Variants in SLX4IP observed in about 807,000 individuals in gnomAD.
SLX4IP encodes SLX4 interacting protein.
SLX4IP carries 34 observed loss-of-function variants against 32.9 expected under a neutral mutation model. That is an observed-to-expected ratio of 1.03 (90% CI 0.79 to 1.38). The LOEUF is 1.38. SLX4IP is among the 40% of genes most tolerant of loss of function. The pLI is 0.00. For missense variants in SLX4IP, 444 were observed against 479.0 expected, an observed-to-expected ratio of 0.93 and a Z score of 0.68; for synonymous variants, 172 against 171.7, an observed-to-expected ratio of 1.00 and a Z score of -0.01.
intron 2 of SLX4IP, among the ~76,000 whole-genome samples, chr20:10,469,011 A>G (rs1600901890): frequency 6.6e-6 from 1 of 152,100 alleles, no homozygotes; most frequent in African/African-American, 2.4e-5. Context: ...CATAAAATAC[A>G]CTTATACTAA....
At chr20:10,576,510 C>T (rs2066524869) in intron 4 of SLX4IP, among the ~76,000 whole-genome samples, 1 of 152,132 alleles carries the variant, frequency 6.6e-6, no homozygotes, top group Non-Finnish European at 1.5e-5. Flanking sequence ...ACCACATAAC[C>T]TAATGGGAAA....
intron 2 of SLX4IP, among the ~76,000 whole-genome samples, chr20:10,520,032 T>C (rs1267116183): frequency 6.6e-6 from 1 of 152,130 alleles, no homozygotes; most frequent in African/African-American, 2.4e-5. Flanking sequence ...ATTGAAATCT[T>C]GTGCCCATTT....
At chr20:10,608,303 G>A (rs1600151872) in intron 6 of SLX4IP, among the ~76,000 whole-genome samples, 1 of 152,128 alleles carries the variant, frequency 6.6e-6, no homozygotes, top group South Asian at 2.1e-4. Flanking sequence ...TTAAGCAAAG[G>A]TAAACATGAT....
intron 2 of SLX4IP, among the ~76,000 whole-genome samples, chr20:10,525,513 G>A (rs1267854440): frequency 2.0e-5 from 3 of 152,054 alleles, no homozygotes; most frequent in East Asian, 1.9e-4. Context: ...CCGCTTAGCC[G>A]AACTATATAC....
At chr20:10,476,936 T>G (rs1713180035) in intron 2 of SLX4IP, among the ~76,000 whole-genome samples, 1 of 152,240 alleles carries the variant, frequency 6.6e-6, no homozygotes, top group Admixed American at 6.5e-5. Context: ...TACATAACAT[T>G]AATGCTTTTG....
At chr20:10,527,446 T>C (rs750378428) in intron 2 of SLX4IP, among the ~76,000 whole-genome samples, 7 of 152,216 alleles carry the variant, frequency 4.6e-5, no homozygotes, top group Non-Finnish European at 8.8e-5. Flanking sequence ...GGCTTTATGA[T>C]ACAAAGATTA....
At chr20:10,460,105 GC>G (rs1724295417) in intron 2 of SLX4IP, among the ~76,000 whole-genome samples, 1 of 152,016 alleles carries the variant, frequency 6.6e-6, no homozygotes, top group African/African-American at 2.4e-5. Flanking sequence ...TTCTGTGAAG[GC>G]ATGTAAGTGA....
At chr20:10,506,659 A>C (rs1403263836) in intron 2 of SLX4IP, among the ~76,000 whole-genome samples, 1 of 152,212 alleles carries the variant, frequency 6.6e-6, no homozygotes, top group Non-Finnish European at 1.5e-5. Flanking sequence ...GAACAAAACA[A>C]ATGCACATTT....
At chr20:10,610,300 A>G (rs961740072) in intron 6 of SLX4IP, among the ~76,000 whole-genome samples, 1 of 152,262 alleles carries the variant, frequency 6.6e-6, no homozygotes, top group African/African-American at 2.4e-5. Flanking sequence ...ACTGGCATCA[A>G]TTCAGAAGAA....
chr20:10,514,072 A>G (rs1178824114), intron 2 of SLX4IP, among the ~76,000 whole-genome samples: 2 of 152,128 alleles, frequency 1.3e-5, no homozygotes, highest in African/African-American at 4.8e-5. Flanking sequence ...CAAAGCAGTG[A>G]CCCTAACCAC....
chr20:10,497,090 T>A lies in SLX4IP; in HGVS notation c.27+38859T>A, dbSNP rs536862704. Among the ~76,000 whole-genome samples the A allele has an allele frequency of 2.6e-3, 390 of 152,328 alleles. 1 individual carries two copies. The highest frequency in any genetic ancestry group is 0.01 in the Middle Eastern group (3 of 294). On this transcript the variant is annotated intron_variant, in intron 2 of 7. Coordinates refer to ENST00000334534, the MANE Select transcript of SLX4IP (RefSeq NM_001009608.3). ...TTTAATCAGTATCTGGCGTCACTAT[T>A]GTTTCAGGTATCCCATGCATTTTCT...
rs1665951553 is a variant in SLX4IP, at chr20:10,626,074, G to A, written c.*2695G>A. On this transcript the variant is annotated 3_prime_UTR_variant, in exon 8 of 8. Transcript: ENST00000334534. ...CTGTCGCCCAGGCTGGAGTGCAGTG[G>A]GGCGATCTTGGCTCACTGCAAGCTC... is the stretch of plus-strand genomic sequence containing the variant. 6.8e-6 allele frequency: 1 copy of A among 147,814 alleles called. No homozygotes were observed. Among genetic ancestry groups the A allele is most frequent in the East Asian group, 2.0e-4 (1 of 5,090 alleles). The allele number at this position is 147,814 out of a possible 1,614,324, so 9.2% of individuals were successfully genotyped here.
intron 3 of SLX4IP, among the ~76,000 whole-genome samples, 160 bp downstream of exon 3, chr20:10,556,480 C>CT (rs1175544907): frequency 1.3e-5 from 2 of 151,758 alleles, no homozygotes; most frequent in Admixed American, 6.6e-5. Context: ...TATGCACCCA[C>CT]TTTTTTTTTC....
intron 1 of SLX4IP, among the ~76,000 whole-genome samples, chr20:10,449,148 G>A (rs2065223266): frequency 6.6e-6 from 1 of 152,084 alleles, no homozygotes; most frequent in Non-Finnish European, 1.5e-5. Flanking sequence ...AAGAAAAGAT[G>A]GTTTCTTTAT....
intron 6 of SLX4IP, among the ~76,000 whole-genome samples, chr20:10,615,219 G>A (rs936171016): frequency 6.6e-6 from 1 of 152,090 alleles, no homozygotes; most frequent in African/African-American, 2.4e-5. Flanking sequence ...ATCTCAGGTA[G>A]GCTTGGATCC....
chr20:10,505,977 G>A (rs1266592452), intron 2 of SLX4IP, among the ~76,000 whole-genome samples: 1 of 152,002 alleles, frequency 6.6e-6, no homozygotes, highest in Non-Finnish European at 1.5e-5. Context: ...GAAACTTCAG[G>A]ACCACACACA....
At position 10,554,913 on chromosome 20, in the gene SLX4IP, G is replaced by A. The variant is rs1220588968; in HGVS notation, c.28-1318G>A. On this transcript the variant is annotated intron_variant, in intron 2 of 7. Coordinates refer to ENST00000334534, the MANE Select transcript of SLX4IP (RefSeq NM_001009608.3). The stretch of plus-strand genomic sequence containing the variant: ...TGTAACATACCTATTTATTTTATTA[G>A]TGGTGCTTTTTTCGTTAACAGAAAT... Among the ~76,000 whole-genome samples the A allele has an allele frequency of 2.6e-5, 4 of 151,860 alleles. 1 individual carries two copies. Among genetic ancestry groups the A allele is most frequent in the South Asian group, 4.2e-4 (2 of 4,800 alleles).
At chr20:10,476,537 G>A (rs2065476446) in intron 2 of SLX4IP, among the ~76,000 whole-genome samples, 1 of 152,170 alleles carries the variant, frequency 6.6e-6, no homozygotes, top group Non-Finnish European at 1.5e-5. Flanking sequence ...GTTGCTGGAT[G>A]GAATCAGATG....
intron 4 of SLX4IP, among the ~76,000 whole-genome samples, chr20:10,593,769 A>G (rs993509863): frequency 1.3e-5 from 2 of 152,206 alleles, no homozygotes; most frequent in African/African-American, 2.4e-5. Context: ...GGGTTGTTCT[A>G]TAACACAACT....
Sources: gnomAD v4.1 joint callset for allele counts (sites outside exome capture counted in the v4.1 genomes callset) on GRCh38, gnomAD v4.1.1 for gene constraint, MANE v1.5 for transcripts, NCBI Gene and HGNC (gene_info 2026-07-23, HGNC 2026-07-21) for gene names.